Variants in KCNIP4 observed in about 807,000 individuals in gnomAD.
KCNIP4 encodes Kv channel-interacting protein 4.
In KCNIP4, 12 loss-of-function variants were observed where a neutral mutation model predicts 34.0. That is an observed-to-expected ratio of 0.35 (90% CI 0.23 to 0.57). KCNIP4 has a LOEUF of 0.57. KCNIP4 is among the 20% of genes least tolerant of loss of function. KCNIP4 has a pLI of 0.83. For missense variants in KCNIP4, 238 were observed against 311.7 expected, an observed-to-expected ratio of 0.76 and a Z score of 1.78; for synonymous variants, 124 against 102.2, an observed-to-expected ratio of 1.21 and a Z score of -1.29.
chr4:21,407,437 T>C (rs1036453968), intron 1 of KCNIP4, among the ~76,000 whole-genome samples: 1 of 152,172 alleles, frequency 6.6e-6, no homozygotes, highest in African/African-American at 2.4e-5. Flanking sequence ...GTAAGTGCCA[T>C]GAAGTAGGAA....
chr4:21,110,177 G>T (rs968023831), intron 1 of KCNIP4, among the ~76,000 whole-genome samples: 4 of 152,098 alleles, frequency 2.6e-5, no homozygotes, highest in South Asian at 2.1e-4. Flanking sequence ...TTTAGATTTA[G>T]GACTTTCATT....
intron 1 of KCNIP4, among the ~76,000 whole-genome samples, chr4:20,905,165 G>A (rs1727601504): frequency 6.6e-6 from 1 of 152,170 alleles, no homozygotes; most frequent in Non-Finnish European, 1.5e-5. Flanking sequence ...CAGTTCTGGA[G>A]GCTGGACATC....
At chr4:21,773,860 T>A (rs571686079) in intron 1 of KCNIP4, among the ~76,000 whole-genome samples, 1 of 152,070 alleles carries the variant, frequency 6.6e-6, no homozygotes, top group South Asian at 2.1e-4. Context: ...GTCTCCTGAA[T>A]ACAGTGCACT....
intron 1 of KCNIP4, among the ~76,000 whole-genome samples, chr4:21,191,164 G>A (rs1755618447): frequency 6.6e-6 from 1 of 152,106 alleles, no homozygotes; most frequent in African/African-American, 2.4e-5. Context: ...TCTCAACAAA[G>A]GTAGAATTTG....
At chr4:20,860,013 G>A (rs1282218097) in intron 2 of KCNIP4, among the ~76,000 whole-genome samples, 1 of 152,148 alleles carries the variant, frequency 6.6e-6, no homozygotes, top group African/African-American at 2.4e-5. Context: ...GCCAAAATAC[G>A]GGAAGGATTA....
At chr4:20,776,691 A>AT (rs1578592058) in intron 3 of KCNIP4, among the ~76,000 whole-genome samples, 1 of 151,966 alleles carries the variant, frequency 6.6e-6, no homozygotes, top group African/African-American at 2.4e-5. Context: ...ATTATGTTTT[A>AT]TTTTTTTCCA....
intron 1 of KCNIP4, among the ~76,000 whole-genome samples, chr4:21,501,246 T>A (rs75182596): frequency 0.038 from 3,519 of 93,280 alleles, 140 homozygotes; most frequent in African/African-American, 0.11. Context: ...TCTCTCTCTC[T>A]CTCACACACA....
intron 1 of KCNIP4, among the ~76,000 whole-genome samples, chr4:20,909,793 G>A (rs190833300): frequency 6.6e-6 from 1 of 152,078 alleles, no homozygotes; most frequent in African/African-American, 2.4e-5. Flanking sequence ...ATGGGTGAAG[G>A]CTTATGCTTT....
At chr4:21,604,257 C>A (rs2109128018) in intron 1 of KCNIP4, among the ~76,000 whole-genome samples, 1 of 152,074 alleles carries the variant, frequency 6.6e-6, no homozygotes, top group Admixed American at 6.6e-5. Context: ...TGTTTAGAAA[C>A]CTAAGAGTAA....
chr4:20,739,010 C>G (rs765522934), intron 5 of KCNIP4, among the ~76,000 whole-genome samples: 10 of 152,170 alleles, frequency 6.6e-5, no homozygotes. Context: ...AGTCCGAGAT[C>G]GAACTGCAAG....
intron 1 of KCNIP4, among the ~76,000 whole-genome samples, chr4:21,368,205 CT>C (rs772858158): frequency 1.4e-5 from 2 of 143,614 alleles, no homozygotes; most frequent in Non-Finnish European, 2.9e-5. Flanking sequence ...ATAAAATAAT[CT>C]TATTAGAATG....
At chr4:21,712,874 A>T (rs1199358306) in intron 1 of KCNIP4, among the ~76,000 whole-genome samples, 1 of 152,156 alleles carries the variant, frequency 6.6e-6, no homozygotes, top group Non-Finnish European at 1.5e-5. Context: ...AGGATATAAG[A>T]TTGCATGGGC....
intron 1 of KCNIP4, among the ~76,000 whole-genome samples, chr4:21,721,513 T>C (rs73115713): frequency 2.6e-5 from 4 of 152,192 alleles, no homozygotes; most frequent in Non-Finnish European, 5.9e-5. Context: ...TCAGCTATAA[T>C]CAACATAGTT....
At chr4:20,754,833 A>G (rs1754232884) in intron 4 of KCNIP4, among the ~76,000 whole-genome samples, 2 of 152,348 alleles carry the variant, frequency 1.3e-5, no homozygotes, top group East Asian at 1.9e-4. Context: ...GCTCTATCCA[A>G]GTTTTAGTAT....
intron 1 of KCNIP4, among the ~76,000 whole-genome samples, chr4:21,264,752 C>T (rs1038130328): frequency 6.6e-6 from 1 of 152,018 alleles, no homozygotes; most frequent in African/African-American, 2.4e-5. Context: ...GAAACTTAGC[C>T]TGGCGAGAAG....
intron 1 of KCNIP4, among the ~76,000 whole-genome samples, chr4:21,262,340 C>A (rs1413291172): frequency 6.6e-6 from 1 of 152,126 alleles, no homozygotes; most frequent in Non-Finnish European, 1.5e-5. Flanking sequence ...CTCCCAACTG[C>A]CAGCATCTGT....
chr4:21,637,642 G>A lies in KCNIP4; in HGVS notation c.61+310929C>T, dbSNP rs148492617. ...TACTAATAATACAAAAATTAGCTGG[G>A]CATGGTGGCGCACACCTGTAATCCC... On this transcript the variant is annotated intron_variant, in intron 1 of 8. Coordinates refer to ENST00000382152, the MANE Select transcript of KCNIP4 (RefSeq NM_025221.6). Among the ~76,000 whole-genome samples, 344 of 152,058 alleles carry A rather than the reference G, an allele frequency of 2.3e-3. 3 individuals carry two copies. The highest frequency in any genetic ancestry group is 7.6e-3 in the African/African-American group (314 of 41,500).
chr4:21,331,657 C>T (rs1033054650), intron 1 of KCNIP4, among the ~76,000 whole-genome samples: 2 of 69,166 alleles, frequency 2.9e-5, no homozygotes, highest in South Asian at 6.2e-4. Context: ...TAATCAATAT[C>T]GTCACAAGAA....
chr4:20,748,628 T>C (rs1052230060), intron 5 of KCNIP4, among the ~76,000 whole-genome samples: 1 of 141,920 alleles, frequency 7.0e-6, no homozygotes, highest in African/African-American at 2.6e-5. Flanking sequence ...TATAAATGTA[T>C]ATATGGAAAA....
Sources: gnomAD v4.1 joint callset for allele counts (sites outside exome capture counted in the v4.1 genomes callset) on GRCh38, gnomAD v4.1.1 for gene constraint, MANE v1.5 for transcripts, NCBI Gene and HGNC (gene_info 2026-07-23, HGNC 2026-07-21) for gene names.